Variants in OPCML observed in about 807,000 individuals in gnomAD.
The protein encoded by OPCML is opioid-binding protein/cell adhesion molecule.
In OPCML, 13 loss-of-function variants were observed where a neutral mutation model predicts 37.8. The observed-to-expected ratio is 0.34, with a 90% CI of 0.22 to 0.55. The LOEUF (loss-of-function observed/expected upper bound fraction) is 0.55. Among genes scored for constraint, OPCML ranks in the 20% least tolerant of loss-of-function variants. The pLI is 0.91. For missense variants in OPCML, 341 were observed against 435.6 expected (o/e 0.78, Z 1.93); for synonymous variants, 176 against 168.8 (o/e 1.04, Z -0.33).
At chr11:132,778,398 C>A (rs150108901) in intron 2 of OPCML, among the ~76,000 whole-genome samples, 2 of 151,936 alleles carry the variant, frequency 1.3e-5, no homozygotes, top group Non-Finnish European at 2.9e-5. Context: ...GCAGTTGGTA[C>A]GATACTAAGA....
chr11:132,581,630 C>T (rs11223136), intron 3 of OPCML, among the ~76,000 whole-genome samples: 88,853 of 152,048 alleles, frequency 0.58, 26,766 homozygotes, highest in Admixed American at 0.7. Flanking sequence ...TGTCCCACCT[C>T]CCTACATCTT....
intron 1 of OPCML, among the ~76,000 whole-genome samples, chr11:133,455,297 T>C (rs1236289673): frequency 6.6e-6 from 1 of 152,260 alleles, no homozygotes; most frequent in Non-Finnish European, 1.5e-5. Flanking sequence ...TTAGTGTTAA[T>C]TCTTTTATTC....
At chr11:133,509,473 A>G (rs1948107659) in intron 1 of OPCML, among the ~76,000 whole-genome samples, 1 of 152,112 alleles carries the variant, frequency 6.6e-6, no homozygotes. Flanking sequence ...TCTATCATTG[A>G]TGGGCATTTG....
chr11:132,543,671 G>C (rs1023970998), intron 3 of OPCML, among the ~76,000 whole-genome samples: 1 of 152,048 alleles, frequency 6.6e-6, no homozygotes, highest in Non-Finnish European at 1.5e-5. Context: ...TGTTCTCTGT[G>C]GACCAGGGCT....
chr11:132,505,680 C>T (rs1284819288), intron 4 of OPCML, among the ~76,000 whole-genome samples: 1 of 152,078 alleles, frequency 6.6e-6, no homozygotes, highest in Non-Finnish European at 1.5e-5. Flanking sequence ...TGTGAGGCTT[C>T]AAAAAATCAA....
chr11:132,906,437 A>C (rs1377721370), intron 2 of OPCML, among the ~76,000 whole-genome samples: 1 of 152,144 alleles, frequency 6.6e-6, no homozygotes, highest in Non-Finnish European at 1.5e-5. Context: ...AGCCTCCCTC[A>C]GTGTGTGGTT....
chr11:133,182,791 C>T (rs541474086), intron 1 of OPCML, among the ~76,000 whole-genome samples: 1 of 152,172 alleles, frequency 6.6e-6, no homozygotes, highest in Non-Finnish European at 1.5e-5. Flanking sequence ...TGCCCAGGAA[C>T]GCGGTGGTGC....
At chr11:133,098,658 A>G (rs989639818) in intron 1 of OPCML, among the ~76,000 whole-genome samples, 1 of 152,248 alleles carries the variant, frequency 6.6e-6, no homozygotes, top group Non-Finnish European at 1.5e-5. Flanking sequence ...AACTAGGAAT[A>G]GGAAGAAAAT....
In OPCML at chr11:133,153,405, C is replaced by T. The variant is rs115946699; in HGVS notation, c.62-210395G>A. 7.1e-3 allele frequency among the ~76,000 whole-genome samples: 1,083 copies of T among 152,300 alleles called. 19 individuals are homozygous for T. The highest frequency in any genetic ancestry group is 0.024 in the African/African-American group (1,016 of 41,560). Reference sequence around the variant, plus strand: ...CTGCTCAAATGGTAGGCTCAGGCATCGCTCAGCTATTTGCGTCCACACGGA... The same window carrying T: ...CTGCTCAAATGGTAGGCTCAGGCATTGCTCAGCTATTTGCGTCCACACGGA... On this transcript the variant is annotated intron_variant, in intron 1 of 7. Transcript: ENST00000524381.
At chr11:133,453,719 T>C (rs1256820951) in intron 1 of OPCML, among the ~76,000 whole-genome samples, 1 of 152,120 alleles carries the variant, frequency 6.6e-6, no homozygotes, top group Non-Finnish European at 1.5e-5. Context: ...ATCCTCAAAA[T>C]GTTTTTCTGA....
chr11:132,763,361 A>G (rs1459829192), intron 2 of OPCML, among the ~76,000 whole-genome samples: 2 of 152,182 alleles, frequency 1.3e-5, no homozygotes, highest in African/African-American at 4.8e-5. Flanking sequence ...AATTATACAT[A>G]TTAATATATT....
chr11:132,540,598 A>G (rs771772314), intron 3 of OPCML, among the ~76,000 whole-genome samples: 29 of 152,302 alleles, frequency 1.9e-4, no homozygotes, highest in Non-Finnish European at 2.8e-4. Context: ...TGTGCTGCAG[A>G]TAGACCCAGT....
At position 133,206,823 on chromosome 11, in the gene OPCML, CCA is replaced by C; in HGVS notation, c.62-263815_62-263814del. Among the ~76,000 whole-genome samples, 1 of 152,304 alleles carries C rather than the reference CCA, an allele frequency of 6.6e-6. No homozygotes were observed. Among genetic ancestry groups the C allele is most frequent in the East Asian group, 1.9e-4 (1 of 5,174 alleles). On this transcript the variant is annotated intron_variant, in intron 1 of 7. Coordinates refer to ENST00000524381, the MANE Select transcript of OPCML (RefSeq NM_001012393.5). The surrounding 1 kb of genome is among the most constrained non-coding windows in gnomAD (Gnocchi z 4.7). The stretch of plus-strand genomic sequence containing the variant: ...TGGATGCAGCACCCACGCTTACCCT[CCA>C]CACTCTCACGATGTCCACACAGCTA...
chr11:133,373,852 AG>A (rs1054523203), intron 1 of OPCML, among the ~76,000 whole-genome samples: 1 of 152,184 alleles, frequency 6.6e-6, no homozygotes, highest in Non-Finnish European at 1.5e-5. Context: ...GTTTTTAAAA[AG>A]CTTCATAGTT....
At chr11:133,345,835 G>C (rs1943989138) in intron 1 of OPCML, among the ~76,000 whole-genome samples, 1 of 152,084 alleles carries the variant, frequency 6.6e-6, no homozygotes, top group Non-Finnish European at 1.5e-5. Flanking sequence ...CATTAGCCTG[G>C]TCCTTTCTGT....
At chr11:133,273,584 CTA>C (rs1487231605) in intron 1 of OPCML, among the ~76,000 whole-genome samples, 1 of 151,982 alleles carries the variant, frequency 6.6e-6, no homozygotes, top group Non-Finnish European at 1.5e-5. Flanking sequence ...TTGGCAAAAA[CTA>C]TGTTTTAAAA....
chr11:132,562,026 G>A (rs138492842), intron 3 of OPCML, among the ~76,000 whole-genome samples: 123 of 152,292 alleles, frequency 8.1e-4, no homozygotes, highest in South Asian at 6.2e-3. Flanking sequence ...AATTCTTGAA[G>A]GAGTTTGCAG....
At chr11:132,545,424 G>T (rs1240804985) in intron 3 of OPCML, among the ~76,000 whole-genome samples, 1 of 152,148 alleles carries the variant, frequency 6.6e-6, no homozygotes, top group Non-Finnish European at 1.5e-5. Flanking sequence ...TAGGAAACTT[G>T]CTACAACCAG....
intron 1 of OPCML, among the ~76,000 whole-genome samples, chr11:133,256,690 G>T (rs1359714945): frequency 6.6e-6 from 1 of 152,248 alleles, no homozygotes; most frequent in Non-Finnish European, 1.5e-5. Context: ...TGTCAAAAAA[G>T]TTCCTTTAAA....
Sources: gnomAD v4.1 joint callset for allele counts (sites outside exome capture counted in the v4.1 genomes callset) on GRCh38, gnomAD v4.1.1 for gene constraint, Gnocchi (gnomAD v3.1) non-coding constraint, MANE v1.5 for transcripts, NCBI Gene and HGNC (gene_info 2026-07-23, HGNC 2026-07-21) for gene names.